Variants in DENND11 observed in about 807,000 individuals in gnomAD.
DENND11 encodes the protein DENN domain-containing protein 11.
DENND11 carries 34 observed loss-of-function variants against 49.2 expected under a neutral mutation model. That is an observed-to-expected ratio of 0.69 (90% confidence interval 0.53 to 0.92). DENND11 has a LOEUF of 0.92. Among genes scored for constraint, DENND11 ranks in the 40% least tolerant of loss-of-function variants. The pLI is 0.00. For missense variants in DENND11, 475 were observed against 581.6 expected (o/e 0.82, Z 1.88); for synonymous variants, 238 against 230.3 (o/e 1.03, Z -0.30).
At chr7:141,693,333 C>A (rs2117080293) in intron 1 of DENND11, among the ~76,000 whole-genome samples, 1 of 152,304 alleles carries the variant, frequency 6.6e-6, no homozygotes, top group African/African-American at 2.4e-5. Flanking sequence ...ATCAGAATGG[C>A]TAACATTCAA....
Position 141,664,977 on chromosome 7 carries a change from G to C in DENND11, c.1030C>G (p.His344Asp), listed in dbSNP as rs199646718. The C allele has an allele frequency of 1.9e-6, 3 of 1,613,720 alleles. No individual in the cohort carries two copies. The African/African-American group carries it at 4.0e-5, about 22-fold the overall frequency. Residue 344 changes from histidine (H) to aspartate (D), a missense_variant, in exon 7 of 9, where the codon CAC becomes GAC. By Grantham distance (81) the His-to-Asp change is moderately conservative. Transcript: ENST00000536163. ...YVDNQNVKTH[H>D]DHLQPLLKIN... ...TTCAGCAGCGGCTGCAGGTGGTCGT[G>C]GTGTGTCTTCACATTCTGGTTATCC...
At chr7:141,666,621 A>G (rs996397889) in intron 4 of DENND11, among the ~76,000 whole-genome samples, 196 bp from the exon 5 acceptor site, 13 of 152,244 alleles carry the variant, frequency 8.5e-5, no homozygotes, top group African/African-American at 2.2e-4. Context: ...CTATAATACA[A>G]CAGCTCCCTG....
At chr7:141,694,249 TAGG>T (rs1306189207) in intron 1 of DENND11, among the ~76,000 whole-genome samples, 1 of 152,112 alleles carries the variant, frequency 6.6e-6, no homozygotes, top group Non-Finnish European at 1.5e-5. Flanking sequence ...GCCTTATTCT[TAGG>T]AGATTTATAC....
In DENND11 at chr7:141,674,114, CAG is replaced by C. The variant is rs1203160975; in HGVS notation, c.632_633del (p.Pro211ArgfsTer14). On this transcript the variant is annotated frameshift_variant, in exon 4 of 9. Transcript: ENST00000536163. LOFTEE classifies it high-confidence loss of function. Reference sequence around the variant, plus strand: ...CGGTGGATGGAAGGCAGCCAGTAGACAGGGGGCAGGCTGCTGCCTCTGCCGGG... The same window carrying C: ...CGGTGGATGGAAGGCAGCCAGTAGACGGGGCAGGCTGCTGCCTCTGCCGGG... ...AGPGRGSSLP[P>X]VYWLPSIHRY... 4 of 1,600,824 alleles carry C rather than the reference CAG, an allele frequency of 2.5e-6. No homozygotes were observed. The highest frequency in any genetic ancestry group is 3.4e-6 in the Non-Finnish European group (4 of 1,173,888).
chr7:141,664,840 A>ACC, intron 7 of DENND11, 64 bp downstream of exon 7: 1 of 1,506,340 alleles, frequency 6.6e-7, no homozygotes, highest in Non-Finnish European at 9.0e-7. Context: ...CTTTGCAGAG[A>ACC]CCCCCATGCT....
At position 141,685,623 on chromosome 7, in the gene DENND11, C is replaced by T. The variant is rs750844914; in HGVS notation, c.382G>A (p.Gly128Arg). The T allele has an allele frequency of 1.2e-6, 2 of 1,613,980 alleles. No homozygotes were observed. The highest frequency in any genetic ancestry group is 3.3e-5 in the Admixed American group (2 of 60,026). Residue 128 changes from glycine to arginine, a missense_variant, in exon 3 of 9, where the codon GGG becomes AGG. Transcript: ENST00000536163. ...IQSDFIYFRK[G>R]PFFGLACFAN... The stretch of plus-strand genomic sequence containing the variant: ...AAGCAGGCCAGGCCGAAGAAGGGCC[C>T]CTTTCGGAAATAGCTAGAAGAGACC...
At chr7:141,670,043 C>T (rs1049657560) in intron 4 of DENND11, among the ~76,000 whole-genome samples, 4 of 150,816 alleles carry the variant, frequency 2.7e-5, no homozygotes, top group Non-Finnish European at 5.9e-5. Flanking sequence ...ATCTCCTGAC[C>T]TCGTGATCCG....
At chr7:141,685,026 A>AAAAAG (rs1798212290) in intron 3 of DENND11, among the ~76,000 whole-genome samples, 1 of 101,690 alleles carries the variant, frequency 9.8e-6, no homozygotes, top group Non-Finnish European at 2.0e-5. Flanking sequence ...AAAAAAAAAA[A>AAAAAG]AAAATATATA....
chr7:141,686,337 A>G (rs1231534806), intron 2 of DENND11, among the ~76,000 whole-genome samples: 1 of 152,236 alleles, frequency 6.6e-6, no homozygotes, highest in Non-Finnish European at 1.5e-5. Flanking sequence ...GAACCTCTAC[A>G]GGCAGGGATT....
intron 1 of DENND11, among the ~76,000 whole-genome samples, chr7:141,694,301 C>T (rs1476249351): frequency 6.6e-6 from 1 of 152,062 alleles, no homozygotes; most frequent in Non-Finnish European, 1.5e-5. Flanking sequence ...GACAGGATTG[C>T]CCAGGCTGGA....
chr7:141,692,724 C>T lies in DENND11; in HGVS notation c.269-6066G>A, dbSNP rs949093622. On this transcript the variant is annotated intron_variant, in intron 1 of 8. Coordinates refer to ENST00000536163, the MANE Select transcript of DENND11 (RefSeq NM_001080392.2). Reference sequence around the variant, plus strand: ...GCCAGGCATGGTGGTGTGTGCCTGTCGTGCTAGCTACCTGGGAGGCTGGGG... The same window carrying T: ...GCCAGGCATGGTGGTGTGTGCCTGTTGTGCTAGCTACCTGGGAGGCTGGGG... 5.9e-5 allele frequency among the ~76,000 whole-genome samples: 9 copies of T among 152,068 alleles called. No individual in the cohort carries two copies. The East Asian group carries it at 7.7e-4, about 13-fold the overall frequency.
intron 3 of DENND11, 41 bp from the exon 4 acceptor site, chr7:141,674,261 T>C (rs1798032106): frequency 6.8e-7 from 1 of 1,470,054 alleles, no homozygotes; most frequent in Non-Finnish European, 9.1e-7. Flanking sequence ...ACACACACAG[T>C]GAGAACAGCC....
At chr7:141,674,343 C>T in intron 3 of DENND11, 123 bp from the exon 4 acceptor site, 1 of 1,387,882 alleles carries the variant, frequency 7.2e-7, no homozygotes, top group Non-Finnish European at 9.3e-7. Flanking sequence ...GGGCAAAGGC[C>T]CTGACATACT....
rs1306969181 is a variant in DENND11 at position 141,657,968 on chromosome 7, T to C, written c.*4688A>G. The C allele has an allele frequency of 6.6e-6, 1 of 152,590 alleles. No homozygotes were observed. The highest frequency in any genetic ancestry group is 1.5e-5 in the Non-Finnish European group (1 of 68,034). 9.5% of individuals were successfully genotyped at this position (152,590 alleles called of 1,614,324 possible). A position where few individuals can be genotyped will look rare whatever the true frequency, so the allele number is the denominator to read the frequency against. ...TTTGTACTAGAGCTTTACTGAAGGT[T>C]GGTATTTTTATGTCAACCTTCCTAG... On this transcript the variant is annotated 3_prime_UTR_variant, in exon 9 of 9. Coordinates refer to ENST00000536163, the MANE Select transcript of DENND11 (RefSeq NM_001080392.2).
Position 141,675,412 on chromosome 7 carries a change from C to T in DENND11, c.528-1192G>A, listed in dbSNP as rs1051240064. On this transcript the variant is annotated intron_variant, in intron 3 of 8. Transcript: ENST00000536163. ...CAGTTTTGGCACTTTGTTATGCAGC[C>T]CCGGAAAAGCCCTAATTGAGGGAGG... Among the ~76,000 whole-genome samples the T allele has an allele frequency of 2.0e-5, 3 of 152,150 alleles. No homozygotes were observed. The East Asian group carries it at 5.8e-4, about 29-fold the overall frequency.
intron 3 of DENND11, among the ~76,000 whole-genome samples, chr7:141,681,923 C>T (rs745995766): frequency 3.3e-5 from 5 of 152,170 alleles, no homozygotes; most frequent in East Asian, 1.9e-4. Flanking sequence ...AGGGATTCTA[C>T]ACAACAGAAC....
At chr7:141,687,944 AT>A (rs112587454) in intron 1 of DENND11, among the ~76,000 whole-genome samples, 1 of 151,210 alleles carries the variant, frequency 6.6e-6, no homozygotes, top group Non-Finnish European at 1.5e-5. Context: ...ATGCCCAGCT[AT>A]TTTTTTTGTA....
At chr7:141,682,177 C>A (rs189141137) in intron 3 of DENND11, among the ~76,000 whole-genome samples, 1 of 152,116 alleles carries the variant, frequency 6.6e-6, no homozygotes, top group East Asian at 1.9e-4. Flanking sequence ...AGGACTACTG[C>A]GCACTACAGA....
At chr7:141,680,536 C>A (rs927186416) in intron 3 of DENND11, among the ~76,000 whole-genome samples, 2 of 151,878 alleles carry the variant, frequency 1.3e-5, no homozygotes, top group African/African-American at 4.8e-5. Context: ...ACACGGACGC[C>A]CAGCTAAAGG....
Sources: allele counts gnomAD v4.1 joint callset (sites outside exome capture counted in the v4.1 genomes callset), GRCh38; gene constraint gnomAD v4.1.1; transcripts MANE v1.5; gene names NCBI Gene and HGNC (gene_info 2026-07-23, HGNC 2026-07-21).